Variants in NARS1 observed in about 807,000 individuals in gnomAD.
The protein encoded by NARS1 is asparagine--tRNA ligase, cytoplasmic.
In NARS1, 65 loss-of-function variants were observed where a neutral mutation model predicts 79.2. The observed-to-expected ratio is 0.82, with a 90% CI of 0.67 to 1.01. The LOEUF (loss-of-function observed/expected upper bound fraction) is 1.01, where lower values mean the gene tolerates loss of function less well. NARS1 is among the 50% of genes least tolerant of loss of function. NARS1 has a pLI of 0.00. For synonymous variants in NARS1, 229 were observed against 238.8 expected (o/e 0.96, Z 0.38); for missense variants, 649 against 673.8 (o/e 0.96, Z 0.41).
rs375059269 is a variant in NARS1 at position 57,609,609 on chromosome 18, G to A, written c.493-166C>T. Among the ~76,000 whole-genome samples the A allele has an allele frequency of 5.7e-4, 87 of 152,174 alleles. 3 individuals carry two copies. In the South Asian group the frequency reaches 0.017, roughly 30 times the overall value. The stretch of plus-strand genomic sequence containing the variant: ...TAATATTAAAATAGATATTTTTGTG[G>A]AAGACAGAGGTTTATCTATATATAG... On this transcript the variant is annotated intron_variant, in intron 6 of 13. Transcript: ENST00000256854.
intron 11 of NARS1, among the ~76,000 whole-genome samples, chr18:57,604,610 C>T (rs1451614370): frequency 1.3e-5 from 2 of 152,078 alleles, no homozygotes; most frequent in African/African-American, 2.4e-5. Context: ...GAAACTTGAG[C>T]CAGATGCAGT....
chr18:57,615,563 G>T, intron 4 of NARS1, 78 bp downstream of exon 4: 1 of 907,540 alleles, frequency 1.1e-6, no homozygotes, highest in Non-Finnish European at 1.7e-6. Flanking sequence ...AACAAACCAT[G>T]TGACATGCCC....
chr18:57,605,622 A>G (rs1317116709), intron 11 of NARS1, among the ~76,000 whole-genome samples: 5 of 151,452 alleles, frequency 3.3e-5, no homozygotes, highest in Admixed American at 2.6e-4. Context: ...AAAAAAAAAA[A>G]AAAAAAGAAA....
intron 5 of NARS1, among the ~76,000 whole-genome samples, chr18:57,612,329 G>A (rs1044631058): frequency 2.0e-5 from 3 of 152,144 alleles, no homozygotes; most frequent in Admixed American, 6.6e-5. Context: ...CTGTGCACTC[G>A]GTGATACATA....
chr18:57,603,562 C>T (rs370134039), intron 11 of NARS1, among the ~76,000 whole-genome samples: 6 of 152,274 alleles, frequency 3.9e-5, no homozygotes, highest in Admixed American at 1.3e-4. Context: ...ATGACTTAAG[C>T]GCATCAGTTT....
intron 5 of NARS1, 116 bp downstream of exon 5, chr18:57,613,486 G>T: frequency 1.2e-6 from 1 of 847,736 alleles, no homozygotes; most frequent in Non-Finnish European, 1.8e-6. Flanking sequence ...AAGTGAGACT[G>T]TGTCTAAGAA....
At position 57,615,744 on chromosome 18, in the gene NARS1, T is replaced by C; in HGVS notation, c.253-14A>G. ...ACTATCTTCTGCCTAATTTTAATGA[T>C]GAAGCAGTTTGTTAACATGGTTGCC... On this transcript the variant is annotated splice_polypyrimidine_tract_variant and intron_variant, in intron 3 of 13. Coordinates refer to ENST00000256854, the MANE Select transcript of NARS1 (RefSeq NM_004539.4). 3 of 1,610,972 alleles carry C rather than the reference T, an allele frequency of 1.9e-6. No individual in the cohort carries two copies. In the East Asian group the frequency reaches 6.7e-5, roughly 36 times the overall value.
chr18:57,612,156 T>C (rs1273586184), intron 5 of NARS1, among the ~76,000 whole-genome samples: 2 of 152,200 alleles, frequency 1.3e-5, no homozygotes, highest in Admixed American at 1.3e-4. Flanking sequence ...GTAATACCAC[T>C]ACTCAGTATT....
Position 57,600,966 on chromosome 18 carries a change from C to T in NARS1, c.*686G>A, listed in dbSNP as rs369573428. The T allele has an allele frequency of 6.6e-6, 1 of 152,202 alleles. No individual in the cohort carries two copies. Among genetic ancestry groups the T allele is most frequent in the Non-Finnish European group, 1.5e-5 (1 of 68,038 alleles). 9.4% of individuals were successfully genotyped at this position (152,202 alleles called of 1,614,324 possible). The stretch of plus-strand genomic sequence containing the variant: ...CCTTAAATTAATGCTAAGAGGGATA[C>T]TGTGAATCACTAAAAAACTCTCCCC... On this transcript the variant is annotated 3_prime_UTR_variant, in exon 14 of 14. Transcript: ENST00000256854.
At chr18:57,606,983 A>T in intron 9 of NARS1, 151 bp downstream of exon 9, 2 of 970,802 alleles carry the variant, frequency 2.1e-6, no homozygotes, top group South Asian at 3.4e-5. Flanking sequence ...GCTACGATCT[A>T]AGGTGGCAAA....
In NARS1 at chr18:57,620,550, T is replaced by TACGTA; in HGVS notation, c.93+18_93+19insTACGT. 1 of 1,533,102 alleles carries TACGTA rather than the reference T, an allele frequency of 6.5e-7. No homozygotes were observed. Among genetic ancestry groups the TACGTA allele is most frequent in the Non-Finnish European group, 9.0e-7 (1 of 1,117,270 alleles). The allele number at this position is 1,533,102 out of a possible 1,614,324, so 95.0% of individuals were successfully genotyped here. A position where few individuals can be genotyped will look rare whatever the true frequency, so the allele number is the denominator to read the frequency against. ...ATTAATAAATGCAGTCTCATTTTCCTAATGAGAAGAGACTCTACCTTTAGA... is the reference window on the plus strand; with the variant it reads ...ATTAATAAATGCAGTCTCATTTTCCTACGTAAATGAGAAGAGACTCTACCTTTAGA... On this transcript the variant is annotated intron_variant, in intron 2 of 13. Coordinates refer to ENST00000256854, the MANE Select transcript of NARS1 (RefSeq NM_004539.4).
chr18:57,617,225 T>C (rs1278136273), intron 2 of NARS1, among the ~76,000 whole-genome samples: 1 of 152,140 alleles, frequency 6.6e-6, no homozygotes, highest in Non-Finnish European at 1.5e-5. Context: ...TGTTGCAAGA[T>C]CTGCAGCCTG....
chr18:57,606,946 C>T, intron 9 of NARS1, 188 bp downstream of exon 9: 2 of 912,534 alleles, frequency 2.2e-6, no homozygotes, highest in South Asian at 3.6e-5. Context: ...TATAAAAGAT[C>T]AAGTCAAAGT....
rs778858410 is a variant in NARS1, at chr18:57,607,579, C to G, written c.666G>C (p.Glu222Asp). ...PAGGADNLIN[E>D]ESDVDVQLNN... is the part of the protein sequence containing the mutation. ...TGAGCTGGACATCAACGTCAGACTC[C>G]TCATTGATCAGGTTGTCAGCTCCTC... The change falls in exon 8 of 14, where the codon GAG (glutamate) becomes GAC (aspartate). Residue 222 changes from glutamate to aspartate, a missense_variant. Coordinates refer to ENST00000256854, the MANE Select transcript of NARS1 (RefSeq NM_004539.4). The G allele has an allele frequency of 1.9e-6, 3 of 1,614,090 alleles. No homozygotes were observed. In the South Asian group the frequency reaches 3.3e-5, roughly 18 times the overall value.
At chr18:57,605,798 G>A in intron 11 of NARS1, 59 bp downstream of exon 11, 1 of 1,143,126 alleles carries the variant, frequency 8.7e-7, no homozygotes, top group Non-Finnish European at 1.3e-6. Context: ...TCATTAACCA[G>A]AAGAAGAGAA....
chr18:57,616,551 T>C (rs1908038010), intron 2 of NARS1, among the ~76,000 whole-genome samples: 1 of 151,808 alleles, frequency 6.6e-6, no homozygotes, highest in African/African-American at 2.4e-5. Context: ...AAGCAACAGA[T>C]CTTAAGTGGC....
chr18:57,613,364 G>T (rs1166492541), intron 5 of NARS1, among the ~76,000 whole-genome samples: 1 of 152,098 alleles, frequency 6.6e-6, no homozygotes, highest in Non-Finnish European at 1.5e-5. Flanking sequence ...GTGGTGGCAG[G>T]TACCTGTGAT....
intron 2 of NARS1, 62 bp from the exon 3 acceptor site, chr18:57,616,037 A>C: frequency 7.0e-7 from 1 of 1,423,084 alleles, no homozygotes; most frequent in Non-Finnish European, 9.5e-7. Context: ...AAATCAAAAT[A>C]ACATCTCAAG....
intron 13 of NARS1, 145 bp downstream of exon 13, chr18:57,602,208 TCA>T: frequency 1.4e-6 from 1 of 727,428 alleles, no homozygotes; most frequent in Non-Finnish European, 2.2e-6. Context: ...CTGGCAATAT[TCA>T]CACACCACAT....
Sources: allele counts gnomAD v4.1 joint callset (sites outside exome capture counted in the v4.1 genomes callset), GRCh38; gene constraint gnomAD v4.1.1; transcripts MANE v1.5; gene names NCBI Gene and HGNC (gene_info 2026-07-23, HGNC 2026-07-21).